The following RELN variants were observed in gnomAD, a reference collection of about 807,000 sequenced individuals.
RELN encodes reelin.
Under a neutral mutation model 427.6 loss-of-function variants are expected in RELN, and 108 were observed. The ratio of observed to expected loss-of-function variants is 0.25; its 90% CI spans 0.22 to 0.30. The LOEUF is 0.30. Ranked by LOEUF, RELN falls within the 10% of genes least tolerant of loss-of-function variation. The pLI is 1.00. For missense variants in RELN, 3,715 were observed against 4,302.8 expected (o/e 0.86, Z 3.82); for synonymous variants, 1,524 against 1,513.4 (o/e 1.01, Z -0.16).
At chr7:103,520,835 G>T (rs1224923597) in intron 48 of RELN, among the ~76,000 whole-genome samples, 1 of 151,334 alleles carries the variant, frequency 6.6e-6, no homozygotes, top group East Asian at 1.9e-4. Flanking sequence ...AAGCCTACAT[G>T]CTATATGCCT....
intron 42 of RELN, among the ~76,000 whole-genome samples, chr7:103,544,615 C>T (rs1830249862): frequency 6.6e-6 from 1 of 152,132 alleles, no homozygotes; most frequent in African/African-American, 2.4e-5. Flanking sequence ...ACAGTTTGAT[C>T]AAAGTGCATA....
chr7:103,923,682 A>G (rs939359982), intron 1 of RELN, among the ~76,000 whole-genome samples: 1 of 152,120 alleles, frequency 6.6e-6, no homozygotes, highest in Non-Finnish European at 1.5e-5. Flanking sequence ...ACAAATGATA[A>G]GGGGCACGAT....
chr7:103,654,667 T>C (rs908434337), intron 12 of RELN, among the ~76,000 whole-genome samples: 2 of 152,172 alleles, frequency 1.3e-5, no homozygotes, highest in African/African-American at 4.8e-5. Flanking sequence ...ATAGTATCTT[T>C]AATATTTTAG....
intron 4 of RELN, among the ~76,000 whole-genome samples, chr7:103,753,773 C>G (rs1007075591): frequency 1.3e-5 from 2 of 152,256 alleles, no homozygotes; most frequent in Admixed American, 6.5e-5. Flanking sequence ...TCTAAATTGT[C>G]TGCAAAAACC....
At chr7:103,865,023 G>A (rs112252916) in intron 2 of RELN, among the ~76,000 whole-genome samples, 20,717 of 151,094 alleles carry the variant, frequency 0.14, 1,594 homozygotes, top group East Asian at 0.27. Flanking sequence ...CCCAGCTACT[G>A]GGGAGGCTGA....
chr7:103,806,802 A>T (rs1369069527), intron 3 of RELN, among the ~76,000 whole-genome samples: 4 of 152,190 alleles, frequency 2.6e-5, no homozygotes, highest in African/African-American at 9.6e-5. Context: ...AATCCATTAG[A>T]GTCAGTATAA....
Position 103,804,660 on chromosome 7 carries a change from C to T in RELN, c.474-28033G>A, listed in dbSNP as rs564252412. On this transcript the variant is annotated intron_variant, in intron 3 of 64. Transcript: ENST00000428762. ...ATAAGGAATAAGAAACAAGATCTTT[C>T]AGACAGATCTAATAAACTAATGCAT... Among the ~76,000 whole-genome samples, 179 of 152,250 alleles carry T rather than the reference C, an allele frequency of 1.2e-3. 3 individuals are homozygous for T. Among genetic ancestry groups the T allele is most frequent in the African/African-American group, 4.1e-3 (171 of 41,554 alleles).
chr7:103,825,628 ATG>A (rs999453795), intron 3 of RELN, among the ~76,000 whole-genome samples: 4 of 152,064 alleles, frequency 2.6e-5, no homozygotes, highest in Non-Finnish European at 4.4e-5. Context: ...ATTTGGGGAA[ATG>A]ATAACAGATT....
chr7:103,891,052 A>G (rs182172026), intron 2 of RELN, among the ~76,000 whole-genome samples: 42 of 152,340 alleles, frequency 2.8e-4, no homozygotes, highest in African/African-American at 8.4e-4. Flanking sequence ...ATTGCACTCC[A>G]GCCTGAACAA....
intron 58 of RELN, 97 bp downstream of exon 58, chr7:103,491,856 T>TCA (rs71110838): frequency 0.036 from 10,242 of 282,104 alleles, 248 homozygotes; most frequent in Non-Finnish European, 0.046. Flanking sequence ...TCTCTCTCTC[T>TCA]CACACACACA....
intron 11 of RELN, among the ~76,000 whole-genome samples, chr7:103,665,649 C>G (rs551599208): frequency 6.6e-6 from 1 of 151,896 alleles, no homozygotes; most frequent in South Asian, 2.1e-4. Context: ...GCTTTTTTGT[C>G]TTTGGTATTC....
At chr7:103,582,827 A>G (rs1398129567) in intron 28 of RELN, among the ~76,000 whole-genome samples, 1 of 152,214 alleles carries the variant, frequency 6.6e-6, no homozygotes, top group Non-Finnish European at 1.5e-5. Context: ...AGAATGAGAT[A>G]GGTTATGTTG....
intron 60 of RELN, among the ~76,000 whole-genome samples, chr7:103,486,685 GCA>G (rs1828452611): frequency 1.3e-5 from 2 of 152,130 alleles, no homozygotes; most frequent in Non-Finnish European, 2.9e-5. Context: ...TTAGAGAAAT[GCA>G]AATCAAAACC....
At chr7:103,967,651 C>G (rs1357442006) in intron 1 of RELN, among the ~76,000 whole-genome samples, 1 of 152,210 alleles carries the variant, frequency 6.6e-6, no homozygotes, top group Non-Finnish European at 1.5e-5. Context: ...TCAGACAGAA[C>G]CTGCCTGAAA....
chr7:103,885,997 G>T (rs1794719616), intron 2 of RELN, among the ~76,000 whole-genome samples: 1 of 152,106 alleles, frequency 6.6e-6, no homozygotes, highest in African/African-American at 2.4e-5. Context: ...CTTCCAAAAA[G>T]AAGTTATATT....
chr7:103,590,061 G>C (rs946208153), intron 27 of RELN, among the ~76,000 whole-genome samples: 38 of 152,148 alleles, frequency 2.5e-4, no homozygotes, highest in African/African-American at 8.9e-4. Flanking sequence ...TGGATTTCTT[G>C]GGATTATAGG....
intron 51 of RELN, among the ~76,000 whole-genome samples, chr7:103,509,967 A>G (rs929024320): frequency 7.2e-5 from 11 of 152,350 alleles, no homozygotes; most frequent in Admixed American, 2.0e-4. Flanking sequence ...TAGAATGGCG[A>G]TCATTAAAAA....
chr7:103,592,063 C>G (rs138820318), intron 27 of RELN, among the ~76,000 whole-genome samples: 41 of 151,904 alleles, frequency 2.7e-4, no homozygotes, highest in African/African-American at 9.4e-4. Flanking sequence ...TTTTAAAATC[C>G]ATTGTAATCT....
At chr7:103,876,533 CTCT>C (rs1279284216) in intron 2 of RELN, among the ~76,000 whole-genome samples, 1 of 152,060 alleles carries the variant, frequency 6.6e-6, no homozygotes, top group Non-Finnish European at 1.5e-5. Context: ...GCTTTTATTG[CTCT>C]TGTTTCTTCT....
Sources: gnomAD v4.1 joint callset for allele counts (sites outside exome capture counted in the v4.1 genomes callset) on GRCh38, gnomAD v4.1.1 for gene constraint, MANE v1.5 for transcripts, NCBI Gene and HGNC (gene_info 2026-07-23, HGNC 2026-07-21) for gene names.